The following EDIL3 variants were observed in gnomAD, a reference collection of about 807,000 sequenced individuals.
EDIL3 encodes the protein EGF-like repeat and discoidin I-like domain-containing protein 3.
In EDIL3, 37 loss-of-function variants were observed where a neutral mutation model predicts 67.4. That is an observed-to-expected ratio of 0.55 (90% CI 0.42 to 0.72). The LOEUF is 0.72. Among genes scored for constraint, EDIL3 ranks in the 30% least tolerant of loss-of-function variants. The pLI, the probability that EDIL3 is intolerant of heterozygous loss-of-function variation, is 0.00. For missense variants in EDIL3, 527 were observed against 586.3 expected (o/e 0.90, Z 1.04); for synonymous variants, 195 against 196.3 (o/e 0.99, Z 0.05).
At chr5:84,231,505 G>A (rs1236525459) in intron 2 of EDIL3, among the ~76,000 whole-genome samples, 1 of 152,164 alleles carries the variant, frequency 6.6e-6, no homozygotes, top group Non-Finnish European at 1.5e-5. Flanking sequence ...TTTGTTCCCA[G>A]CGGATTCGTT....
chr5:84,362,579 C>T (rs186988078), intron 1 of EDIL3, among the ~76,000 whole-genome samples: 2 of 152,102 alleles, frequency 1.3e-5, no homozygotes, highest in Non-Finnish European at 2.9e-5. Context: ...CTGAGAAGTC[C>T]CTGTTAAAGT....
In EDIL3 at chr5:84,106,728, G is replaced by A. The variant is rs768493131; in HGVS notation, c.572C>T (p.Pro191Leu). The A allele has an allele frequency of 6.2e-7, 1 of 1,613,364 alleles. No homozygotes were observed. Among genetic ancestry groups the A allele is most frequent in the South Asian group, 1.1e-5 (1 of 91,022 alleles). ...CTTCTTATTAAGACGTGCATAGTAG[G>A]GATACCATTTTTGGAGTCCAAAAAG... ...RALFGLQKWY[P>L]YYARLNKKGL... Residue 191 changes from proline to leucine, a missense_variant, in exon 6 of 11, where the codon CCC becomes CTC. Physicochemically the swap from Pro to Leu is moderately conservative, Grantham distance 98. This residue lies in a region of EDIL3 where 494 missense variants were observed against 522.5 expected (regional missense o/e 0.95). Transcript: ENST00000296591.
At position 84,064,680 on chromosome 5, in the gene EDIL3, A is replaced by G. The variant is rs1470024274; in HGVS notation, c.952+20T>C. ...TGTTTTCTTTAAATAGAATACAGAA[A>G]TAGTTAATTTGAGACTTACCCGACA... is the stretch of plus-strand genomic sequence containing the variant. On this transcript the variant is annotated intron_variant, in intron 8 of 10. Transcript: ENST00000296591. The G allele has an allele frequency of 3.7e-6, 6 of 1,605,872 alleles. No homozygotes were observed. Among genetic ancestry groups the G allele is most frequent in the Middle Eastern group, 1.7e-4 (1 of 6,002 alleles).
chr5:84,244,933 C>T (rs867985536), intron 2 of EDIL3, among the ~76,000 whole-genome samples: 2 of 152,194 alleles, frequency 1.3e-5, no homozygotes, highest in African/African-American at 4.8e-5. Context: ...ATGTAGGTTG[C>T]GTGCTCCTTA....
chr5:84,214,302 A>C (rs1466119816), intron 3 of EDIL3, among the ~76,000 whole-genome samples: 1 of 152,088 alleles, frequency 6.6e-6, no homozygotes, highest in Non-Finnish European at 1.5e-5. Flanking sequence ...TTTGTGGGGG[A>C]TGGATTCCAG....
chr5:84,124,482 AAC>A (rs3216696), intron 5 of EDIL3, among the ~76,000 whole-genome samples: 33,877 of 151,752 alleles, frequency 0.22, 4,094 homozygotes, highest in East Asian at 0.32. Context: ...GTGAAATGTC[AAC>A]AGTTTTCCAA....
intron 10 of EDIL3, among the ~76,000 whole-genome samples, chr5:83,947,404 T>TGTGC (rs1744332859): frequency 6.8e-6 from 1 of 147,790 alleles, no homozygotes; most frequent in African/African-American, 2.5e-5. Context: ...TGTGTGTGTG[T>TGTGC]GCAGAGGTGC....
At chr5:84,170,678 C>A (rs153251) in intron 4 of EDIL3, among the ~76,000 whole-genome samples, 55,426 of 151,876 alleles carry the variant, frequency 0.36, 10,948 homozygotes, top group East Asian at 0.74. Flanking sequence ...GGCTACAAGG[C>A]CTAGGAAATT....
intron 1 of EDIL3, among the ~76,000 whole-genome samples, chr5:84,288,323 T>C (rs1304171109): frequency 6.6e-6 from 1 of 152,180 alleles, no homozygotes; most frequent in Non-Finnish European, 1.5e-5. Flanking sequence ...AATCCTCTTT[T>C]GCCTGGGTGA....
chr5:84,074,593 A>G (rs1451521583), intron 6 of EDIL3, among the ~76,000 whole-genome samples: 2 of 151,932 alleles, frequency 1.3e-5, no homozygotes, highest in Non-Finnish European at 2.9e-5. Context: ...AAGACACATG[A>G]AAAAATGCTC....
chr5:84,050,129 C>T (rs924124162), intron 9 of EDIL3, among the ~76,000 whole-genome samples: 6 of 134,998 alleles, frequency 4.4e-5, no homozygotes, highest in South Asian at 2.4e-4. Context: ...ACCCGGGAGG[C>T]GGAGCTTGCA....
At chr5:84,291,993 A>G (rs1745933633) in intron 1 of EDIL3, among the ~76,000 whole-genome samples, 1 of 151,936 alleles carries the variant, frequency 6.6e-6, no homozygotes, top group Admixed American at 6.6e-5. Context: ...TTAAAAAAGA[A>G]AAAAAACTCA....
At chr5:84,262,934 G>T (rs1279525829) in intron 1 of EDIL3, among the ~76,000 whole-genome samples, 1 of 151,770 alleles carries the variant, frequency 6.6e-6, no homozygotes, top group African/African-American at 2.4e-5. Flanking sequence ...GCCTCCCAAA[G>T]TGCTAGGATT....
chr5:83,973,088 A>G (rs1261393021), intron 9 of EDIL3, among the ~76,000 whole-genome samples: 8 of 152,072 alleles, frequency 5.3e-5, no homozygotes, highest in Admixed American at 5.2e-4. Flanking sequence ...GGATTACTGA[A>G]AGTGACTTTC....
intron 9 of EDIL3, among the ~76,000 whole-genome samples, chr5:84,052,970 T>A (rs186765294): frequency 6.1e-4 from 93 of 152,324 alleles, no homozygotes; most frequent in African/African-American, 2.2e-3. Context: ...AATAGATATC[T>A]ACAGAACTCT....
At chr5:84,239,720 A>G (rs1286823674) in intron 2 of EDIL3, among the ~76,000 whole-genome samples, 2 of 152,240 alleles carry the variant, frequency 1.3e-5, no homozygotes, top group African/African-American at 2.4e-5. Context: ...TGTCAAAGGT[A>G]TCTTTGCAAC....
At chr5:84,121,428 A>G (rs1250378601) in intron 5 of EDIL3, among the ~76,000 whole-genome samples, 1 of 151,854 alleles carries the variant, frequency 6.6e-6, no homozygotes, top group East Asian at 1.9e-4. Context: ...CCAGAATCTC[A>G]CTGCCAGTAC....
At chr5:83,954,901 A>G (rs1744487121) in intron 10 of EDIL3, among the ~76,000 whole-genome samples, 1 of 151,794 alleles carries the variant, frequency 6.6e-6, no homozygotes, top group South Asian at 2.1e-4. Context: ...CAGGTTCATC[A>G]CTACCTCTTA....
intron 6 of EDIL3, among the ~76,000 whole-genome samples, chr5:84,072,909 C>T (rs1426841824): frequency 6.6e-6 from 1 of 151,970 alleles, no homozygotes; most frequent in Non-Finnish European, 1.5e-5. Context: ...AGTAAGACTT[C>T]AGCAACAGGA....
Sources: allele counts gnomAD v4.1 joint callset (sites outside exome capture counted in the v4.1 genomes callset), GRCh38; gene constraint gnomAD v4.1.1; regional missense constraint gnomAD v4.1.1; transcripts MANE v1.5; gene names NCBI Gene and HGNC (gene_info 2026-07-23, HGNC 2026-07-21).